The following ADAMTS10 variants were observed in gnomAD, a reference collection of about 807,000 sequenced individuals.
The protein encoded by ADAMTS10 is A disintegrin and metalloproteinase with thrombospondin motifs 10.
A neutral mutation model predicts 135.9 loss-of-function variants in ADAMTS10; 48 were observed. The ratio of observed to expected loss-of-function variants is 0.35; its 90% CI spans 0.28 to 0.45. ADAMTS10 has a LOEUF of 0.45. Among genes scored for constraint, ADAMTS10 ranks in the 20% least tolerant of loss-of-function variants. The pLI is 1.00. For synonymous variants in ADAMTS10, 621 were observed against 647.5 expected, an observed-to-expected ratio of 0.96 and a Z score of 0.62; for missense variants, 1,131 against 1,565.2, an observed-to-expected ratio of 0.72 and a Z score of 4.68.
chr19:8,596,343 G>A lies in ADAMTS10; in HGVS notation c.1154C>T (p.Ala385Val). ...CTCGTGGGCAATGGTGAACGCTGTG[G>A]CCAGGCCAATGTCCTCATTGACGCT... ...SCSVNEDIGL[A>V]TAFTIAHEIG... is the part of the protein sequence containing the mutation. The change falls in exon 10 of 26, where the codon GCC becomes GTC. Residue 385 changes from alanine (A) to valine (V), a missense_variant. Transcript: ENST00000597188. This position sits in a 1 kb window ranked among gnomAD's most constrained non-coding sequence, Gnocchi z 7.2. The A allele has an allele frequency of 1.2e-6, 2 of 1,612,942 alleles. No homozygotes were observed. The highest frequency in any genetic ancestry group is 2.2e-5 in the South Asian group (2 of 91,048).
chr19:8,597,211 G>T (rs782417967), intron 7 of ADAMTS10, 23 bp downstream of exon 7: 2 of 1,614,108 alleles, frequency 1.2e-6, no homozygotes, highest in Admixed American at 3.3e-5. Flanking sequence ...AGGGGAAGGG[G>T]AAGGGGAGGA....
intron 13 of ADAMTS10, among the ~76,000 whole-genome samples, chr19:8,592,463 A>G (rs1555739282): frequency 2.7e-5 from 4 of 150,332 alleles, no homozygotes; most frequent in African/African-American, 7.4e-5. Flanking sequence ...CCAATGAGGG[A>G]GAGAGCAAAC....
chr19:8,602,496 T>C (rs2042678674), intron 5 of ADAMTS10, among the ~76,000 whole-genome samples: 2 of 152,056 alleles, frequency 1.3e-5, no homozygotes, highest in African/African-American at 4.8e-5. Context: ...CTTTTTTGTA[T>C]TTTTAGTAAA....
intron 18 of ADAMTS10, among the ~76,000 whole-genome samples, chr19:8,587,649 G>A (rs1427299923): frequency 2.0e-5 from 3 of 151,894 alleles, no homozygotes; most frequent in Non-Finnish European, 4.4e-5. Flanking sequence ...AAAGAATTTT[G>A]TAGCCGGGCA....
intron 23 of ADAMTS10, 40 bp downstream of exon 23, chr19:8,585,416 C>T: frequency 6.5e-7 from 1 of 1,536,978 alleles, no homozygotes; most frequent in Non-Finnish European, 8.7e-7. Flanking sequence ...GACACCCCAC[C>T]TGGGCATCCC....
At chr19:8,607,902 T>C (rs573834375) in intron 2 of ADAMTS10, among the ~76,000 whole-genome samples, 2 of 27,936 alleles carry the variant, frequency 7.2e-5, no homozygotes, top group Non-Finnish European at 7.8e-4. Context: ...CCTCTGTCTC[T>C]CGGGTTCAAG....
Position 8,596,285 on chromosome 19 carries a change from CTCT to C in ADAMTS10, c.1190+19_1190+21del. 6.2e-7 allele frequency: 1 copy of C among 1,612,916 alleles called. No homozygotes were observed. The highest frequency in any genetic ancestry group is 1.1e-5 in the South Asian group (1 of 91,084). On this transcript the variant is annotated intron_variant, in intron 10 of 25. Transcript: ENST00000597188. This position sits in a 1 kb window ranked among gnomAD's most constrained non-coding sequence, Gnocchi z 7.2. ...CCGCCCAGCTCCTCCCCTCCTCCCC[CTCT>C]TGTGTGCCCTGGCCTCACGTGTGCC... is the stretch of plus-strand genomic sequence containing the variant.
intron 18 of ADAMTS10, among the ~76,000 whole-genome samples, chr19:8,588,997 G>C (rs1178093945): frequency 6.6e-6 from 1 of 152,080 alleles, no homozygotes; most frequent in Non-Finnish European, 1.5e-5. Flanking sequence ...TCACCATGTT[G>C]GCCAGGCTGG....
intron 2 of ADAMTS10, among the ~76,000 whole-genome samples, 177 bp downstream of exon 2, chr19:8,607,957 T>TCAC (rs2042739227): frequency 6.6e-6 from 1 of 151,768 alleles, no homozygotes; most frequent in East Asian, 1.9e-4. Context: ...ACTACAGGTG[T>TCAC]GCGCCACCAT....
rs782289502 is a variant in ADAMTS10 at position 8,595,835 on chromosome 19, G to A, written c.1406C>T (p.Pro469Leu). Reference sequence around the variant, plus strand: ...CTCATCTGCATCGTAGGCTTGGCCCGGTGCCACTGTCGGGTACACAAAGTC... The same window carrying A: ...CTCATCTGCATCGTAGGCTTGGCCCAGTGCCACTGTCGGGTACACAAAGTC... Reference protein sequence around the residue: ...RQDFVYPTVAPGQAYDADEQC... With the variant: ...RQDFVYPTVALGQAYDADEQC... Residue 469 changes from proline (P) to leucine (L), a missense_variant, in exon 12 of 26, where the codon CCG becomes CTG. Around this residue, in one of 3 missense-constraint regions of ADAMTS10, gnomAD observed 745 missense variants for 1,056.3 expected, o/e 0.71. Transcript: ENST00000597188. 1.9e-6 allele frequency: 3 copies of A among 1,614,162 alleles called. No individual in the cohort carries two copies. The highest frequency in any genetic ancestry group is 2.5e-6 in the Non-Finnish European group (3 of 1,180,034).
At position 8,591,432 on chromosome 19, in the gene ADAMTS10, T is replaced by C. The variant is rs116623717; in HGVS notation, c.1797+368A>G. ...CAGGTGCCTGGATGAAGCACTCTGA[T>C]AGCGTTTTTGTTTTTTTTTTTTTTT... On this transcript the variant is annotated intron_variant, in intron 15 of 25. Transcript: ENST00000597188. 7.9e-3 allele frequency among the ~76,000 whole-genome samples: 1,166 copies of C among 147,278 alleles called. 15 individuals are homozygous for C. Among genetic ancestry groups the C allele is most frequent in the African/African-American group, 0.027 (1,094 of 40,040 alleles).
At chr19:8,600,790 G>T in intron 6 of ADAMTS10, 138 bp downstream of exon 6, 2 of 1,085,198 alleles carry the variant, frequency 1.8e-6, no homozygotes, top group Non-Finnish European at 2.7e-6. Flanking sequence ...GAGCCACCGC[G>T]CCCGGCCTGC....
intron 6 of ADAMTS10, among the ~76,000 whole-genome samples, 196 bp downstream of exon 6, chr19:8,600,732 T>C (rs2042659560): frequency 6.6e-6 from 1 of 151,956 alleles, no homozygotes; most frequent in Non-Finnish European, 1.5e-5. Context: ...TCTCCTGACC[T>C]TGTGATCTGC....
chr19:8,596,211 A>G lies in ADAMTS10; in HGVS notation c.1199T>C (p.Met400Thr). ...GCTGTTTCCCACGCCGTCATGGTTCATGCCGAATCTGGGGAAAGGGGTGTC... is the reference window on the plus strand; with the variant it reads ...GCTGTTTCCCACGCCGTCATGGTTCGTGCCGAATCTGGGGAAAGGGGTGTC... ...IAHEIGHTFG[M>T]NHDGVGNSCG... is the part of the protein sequence containing the mutation. Residue 400 changes from methionine to threonine, a missense_variant, in exon 11 of 26, where the codon ATG becomes ACG. Transcript: ENST00000597188. This position sits in a 1 kb window ranked among gnomAD's most constrained non-coding sequence, Gnocchi z 7.2. The G allele has an allele frequency of 6.2e-7, 1 of 1,613,898 alleles. No individual in the cohort carries two copies. The highest frequency in any genetic ancestry group is 8.5e-7 in the Non-Finnish European group (1 of 1,179,998).
intron 6 of ADAMTS10, among the ~76,000 whole-genome samples, chr19:8,598,062 T>TCCTG (rs2146085290): frequency 6.6e-6 from 1 of 151,538 alleles, no homozygotes; most frequent in African/African-American, 2.4e-5. Context: ...GATCCTCCTG[T>TCCTG]CCTGGCCTGG....
chr19:8,609,620 T>G (rs1306884395), intron 1 of ADAMTS10, among the ~76,000 whole-genome samples: 1 of 151,868 alleles, frequency 6.6e-6, no homozygotes, highest in Non-Finnish European at 1.5e-5. Flanking sequence ...AGCCGGGGCC[T>G]GCGGGAGGAG....
chr19:8,581,567 G>A (rs1337512055), intron 25 of ADAMTS10, among the ~76,000 whole-genome samples: 1 of 152,042 alleles, frequency 6.6e-6, no homozygotes, highest in African/African-American at 2.4e-5. Flanking sequence ...GGGCATGGTG[G>A]CTCATGCCTG....
chr19:8,581,130 CTTTTTTTTTTTTTTTT>C lies in ADAMTS10; in HGVS notation c.3203-144_3203-129del, dbSNP rs369050914. 307 of 147,318 alleles carry C rather than the reference CTTTTTTTTTTTTTTTT, an allele frequency of 2.1e-3. 1 individual carries two copies. Among genetic ancestry groups the C allele is most frequent in the African/African-American group, 5.3e-3 (98 of 18,368 alleles). The allele number at this position is 147,318 out of a possible 1,614,324, so 9.1% of individuals were successfully genotyped here. ...CTTGGTTTCTTTCTTTTTAAATTTA[CTTTTTTTTTTTTTTTT>C]TTTTTTTTTTTTTACAGATGTTATC... On this transcript the variant is annotated intron_variant, in intron 25 of 25. Coordinates refer to ENST00000597188, the MANE Select transcript of ADAMTS10 (RefSeq NM_030957.4).
In ADAMTS10 at chr19:8,605,381, T is replaced by G. The variant is rs373367345; in HGVS notation, c.89-23A>C. 1 of 1,571,542 alleles carries G rather than the reference T, an allele frequency of 6.4e-7. No individual in the cohort carries two copies. Among genetic ancestry groups the G allele is most frequent in the Non-Finnish European group, 8.6e-7 (1 of 1,157,652 alleles). On this transcript the variant is annotated intron_variant, in intron 3 of 25. Coordinates refer to ENST00000597188, the MANE Select transcript of ADAMTS10 (RefSeq NM_030957.4). The surrounding 1 kb of genome is among the most constrained non-coding windows in gnomAD (Gnocchi z 7.7). ...CATCTGTGGGTGAGGGTCAGAGGCC[T>G]GGGGTGGGCCCTGGTCTTATTGGAC... is the stretch of plus-strand genomic sequence containing the variant.
Sources: allele counts gnomAD v4.1 joint callset (sites outside exome capture counted in the v4.1 genomes callset), GRCh38; gene constraint gnomAD v4.1.1; regional missense constraint gnomAD v4.1.1; non-coding constraint Gnocchi (gnomAD v3.1); transcripts MANE v1.5; gene names NCBI Gene and HGNC (gene_info 2026-07-23, HGNC 2026-07-21).